The following MTA3 variants were observed in gnomAD, a reference collection of about 807,000 sequenced individuals.
MTA3 encodes the protein metastasis associated 1 family member 3, also known as metastasis-associated protein MTA3.
Under a neutral mutation model 83.5 loss-of-function variants are expected in MTA3, and 34 were observed. That is an observed-to-expected ratio of 0.41 (90% CI 0.31 to 0.54). The LOEUF (loss-of-function observed/expected upper bound fraction) is 0.54. MTA3 is among the 20% of genes least tolerant of loss of function. The pLI is 0.33. For missense variants in MTA3, 761 were observed against 726.4 expected (o/e 1.05, Z -0.55); for synonymous variants, 303 against 252.7 (o/e 1.20, Z -1.89).
rs1693829580 is a variant in MTA3, at chr2:42,701,192, C to T, written c.1026-3002C>T. Among the ~76,000 whole-genome samples the T allele has an allele frequency of 3.3e-5, 5 of 149,834 alleles. No homozygotes were observed. The Admixed American group carries it at 3.3e-4, about 10-fold the overall frequency. ...TGGCGTGTGACTGTAGTCCCAGCTA[C>T]TCAGGAGGCTGAGGTGGGAGGATCA... On this transcript the variant is annotated intron_variant, in intron 11 of 16. Transcript: ENST00000405094.
chr2:42,637,766 A>G (rs972810456), intron 4 of MTA3, among the ~76,000 whole-genome samples: 2 of 152,196 alleles, frequency 1.3e-5, no homozygotes, highest in African/African-American at 4.8e-5. Flanking sequence ...TGCATTTCCA[A>G]AAACAATTTG....
chr2:42,519,648 A>G (rs1015833793), intron 2 of MTA3, among the ~76,000 whole-genome samples: 3 of 151,470 alleles, frequency 2.0e-5, no homozygotes, highest in African/African-American at 7.3e-5. Context: ...GGTGGAACGC[A>G]TCTTAGTCCC....
upstream of MTA3, among the ~76,000 whole-genome samples, chr2:42,566,230 C>T (rs1002076777): frequency 6.6e-6 from 1 of 152,074 alleles, no homozygotes; most frequent in Non-Finnish European, 1.5e-5. Context: ...TTTAAAGGTG[C>T]AGGCTTTCCA....
intron 2 of MTA3, among the ~76,000 whole-genome samples, chr2:42,499,099 C>T (rs527800011): frequency 7.9e-5 from 12 of 151,948 alleles, no homozygotes; most frequent in African/African-American, 2.7e-4. Flanking sequence ...TCCTAGAGAT[C>T]TACGATGTGG....
intron 2 of MTA3, among the ~76,000 whole-genome samples, chr2:42,537,047 G>T (rs1262361994): frequency 6.6e-6 from 1 of 152,064 alleles, no homozygotes; most frequent in Non-Finnish European, 1.5e-5. Flanking sequence ...CTAGAACATT[G>T]TCACAGTGAT....
intron 9 of MTA3, among the ~76,000 whole-genome samples, chr2:42,694,415 G>A (rs1693192118): frequency 6.6e-6 from 1 of 152,160 alleles, no homozygotes; most frequent in African/African-American, 2.4e-5. Context: ...CATGAGGCTT[G>A]TTGAGAAACT....
intron 3 of MTA3, among the ~76,000 whole-genome samples, chr2:42,590,228 G>T (rs1402199375): frequency 6.6e-6 from 1 of 152,120 alleles, no homozygotes. Flanking sequence ...CCCTGGTGTT[G>T]GAGGTGGGGC....
intron 2 of MTA3, among the ~76,000 whole-genome samples, chr2:42,505,767 A>T (rs535724706): frequency 3.1e-5 from 4 of 128,932 alleles, no homozygotes; most frequent in Admixed American, 8.6e-5. Flanking sequence ...CCACAAATTG[A>T]TAATTTTTTT....
intron 4 of MTA3, among the ~76,000 whole-genome samples, chr2:42,628,028 G>T (rs1254116706): frequency 1.3e-5 from 2 of 151,780 alleles, no homozygotes; most frequent in East Asian, 3.9e-4. Flanking sequence ...GGGATTACAG[G>T]TGAGCACCAC....
At position 42,751,716 on chromosome 2, in the gene MTA3, A is replaced by G. The variant is rs559966152; in HGVS notation, c.1760-1658A>G. Among the ~76,000 whole-genome samples, 4 of 152,314 alleles carry G rather than the reference A, an allele frequency of 2.6e-5. No individual in the cohort carries two copies. The East Asian group carries it at 5.8e-4, about 22-fold the overall frequency. ...CAAGTTTGGCACAAATAAAAGCACAATTTACCATGGCAGGCTAGAAACTTG... is the reference window on the plus strand; with the variant it reads ...CAAGTTTGGCACAAATAAAAGCACAGTTTACCATGGCAGGCTAGAAACTTG... On this transcript the variant is annotated intron_variant, in intron 16 of 16. Transcript: ENST00000405094.
intron 2 of MTA3, among the ~76,000 whole-genome samples, chr2:42,524,485 T>TTG (rs1343553467): frequency 2.4e-5 from 3 of 123,856 alleles, no homozygotes; most frequent in African/African-American, 5.3e-5. Context: ...TTTTTTTTTT[T>TTG]TTTTTTTTTT....
intron 16 of MTA3, among the ~76,000 whole-genome samples, chr2:42,748,242 T>TGTGTGTG (rs1553402303): frequency 1.2e-4 from 18 of 150,096 alleles, no homozygotes; most frequent in South Asian, 2.1e-4. Context: ...TGTGTGTGTG[T>TGTGTGTG]TTTAGTAGAG....
chr2:42,704,169 C>T lies in MTA3; in HGVS notation c.1026-25C>T, dbSNP rs759335882. On this transcript the variant is annotated intron_variant, in intron 11 of 16. Coordinates refer to ENST00000405094, the MANE Select transcript of MTA3 (RefSeq NM_001330442.2). ...TGCCTTATTGTACAAATCATTTTAT[C>T]ACCTTATTTTAATTTCATTGAAAGC... 6.8e-6 allele frequency: 11 copies of T among 1,609,022 alleles called. No homozygotes were observed. In the African/African-American group the frequency reaches 1.5e-4, roughly 22 times the overall value.
intron 4 of MTA3, among the ~76,000 whole-genome samples, chr2:42,624,811 C>G (rs534766183): frequency 1.2e-4 from 19 of 152,132 alleles, no homozygotes; most frequent in Middle Eastern, 3.2e-3. Flanking sequence ...GATTTTTCCT[C>G]AAAACTTTGA....
chr2:42,500,853 C>T (rs896747829), intron 2 of MTA3, among the ~76,000 whole-genome samples: 1 of 151,006 alleles, frequency 6.6e-6, no homozygotes, highest in African/African-American at 2.4e-5. Context: ...CACTCTCGCC[C>T]AGGCTGGAGT....
chr2:42,538,337 A>T (rs964767009), intron 2 of MTA3, among the ~76,000 whole-genome samples: 1 of 152,294 alleles, frequency 6.6e-6, no homozygotes, highest in Middle Eastern at 3.4e-3. Flanking sequence ...TGATAGCTAT[A>T]TGGGTGTTCA....
At chr2:42,671,966 G>A (rs1369871851) in intron 8 of MTA3, among the ~76,000 whole-genome samples, 2 of 152,160 alleles carry the variant, frequency 1.3e-5, no homozygotes, top group Admixed American at 1.3e-4. Context: ...CATGATAAAG[G>A]CCAAGATCAG....
At chr2:42,501,144 T>C (rs1287464772) in intron 2 of MTA3, among the ~76,000 whole-genome samples, 7 of 152,246 alleles carry the variant, frequency 4.6e-5, no homozygotes, top group African/African-American at 1.7e-4. Flanking sequence ...ATAAATTTGC[T>C]ACGAAGTAAC....
intron 2 of MTA3, among the ~76,000 whole-genome samples, chr2:42,552,780 T>C (rs2103779661): frequency 6.6e-6 from 1 of 151,286 alleles, no homozygotes; most frequent in Admixed American, 6.6e-5. Flanking sequence ...TGAAGCCCCG[T>C]CTCTACTAAA....
Sources: gnomAD v4.1 joint callset for allele counts (sites outside exome capture counted in the v4.1 genomes callset) on GRCh38, gnomAD v4.1.1 for gene constraint, MANE v1.5 for transcripts, NCBI Gene and HGNC (gene_info 2026-07-23, HGNC 2026-07-21) for gene names.